FSHR: variants seen among roughly 807,000 people sequenced by gnomAD.
FSHR encodes follicle-stimulating hormone receptor.
Under a neutral mutation model 52.1 loss-of-function variants are expected in FSHR, and 46 were observed. That is an observed-to-expected ratio of 0.88 (90% CI 0.70 to 1.13). The LOEUF (loss-of-function observed/expected upper bound fraction) is 1.13. FSHR is among the 50% of genes most tolerant of loss of function. The pLI, the probability that FSHR is intolerant of heterozygous loss-of-function variation, is 0.00. For synonymous variants in FSHR, 399 were observed against 309.6 expected, an observed-to-expected ratio of 1.29 and a Z score of -3.03; for missense variants, 964 against 834.6, an observed-to-expected ratio of 1.16 and a Z score of -1.91.
chr2:49,010,554 G>A (rs1338627785), intron 4 of FSHR, among the ~76,000 whole-genome samples: 2 of 151,916 alleles, frequency 1.3e-5, no homozygotes, highest in East Asian at 3.9e-4. Flanking sequence ...AAATGAGTTA[G>A]GGAGGATTCC....
intron 1 of FSHR, among the ~76,000 whole-genome samples, chr2:49,080,167 T>C (rs907679021): frequency 2.0e-5 from 3 of 152,216 alleles, no homozygotes; most frequent in Non-Finnish European, 2.9e-5. Context: ...TTCACCATTA[T>C]ATTGGTGAAC....
chr2:49,097,050 A>T (rs1029337653), intron 1 of FSHR, among the ~76,000 whole-genome samples: 1 of 152,194 alleles, frequency 6.6e-6, no homozygotes, highest in Non-Finnish European at 1.5e-5. Context: ...TTCTTTATAA[A>T]TTATCCAGTC....
At chr2:49,003,484 A>C (rs1300907466) in intron 4 of FSHR, among the ~76,000 whole-genome samples, 1 of 152,162 alleles carries the variant, frequency 6.6e-6, no homozygotes, top group African/African-American at 2.4e-5. Context: ...GGGGAAGACA[A>C]CGTCCTTCCC....
At chr2:49,039,039 A>C (rs1019630663) in intron 2 of FSHR, among the ~76,000 whole-genome samples, 6 of 152,136 alleles carry the variant, frequency 3.9e-5, no homozygotes, top group Admixed American at 2.0e-4. Context: ...AAATATCTCT[A>C]TTTCCATGAG....
intron 2 of FSHR, among the ~76,000 whole-genome samples, chr2:49,033,065 T>C (rs2104260566): frequency 6.6e-6 from 1 of 152,252 alleles, no homozygotes; most frequent in African/African-American, 2.4e-5. Flanking sequence ...CAAGCAATTT[T>C]CCCCCTTTTA....
chr2:48,992,480 G>A (rs1675829328), intron 4 of FSHR, among the ~76,000 whole-genome samples: 1 of 152,170 alleles, frequency 6.6e-6, no homozygotes, highest in African/African-American at 2.4e-5. Flanking sequence ...CCACTGCCAG[G>A]GAAGTGGGGA....
At chr2:49,049,722 G>A (rs999508590) in intron 2 of FSHR, among the ~76,000 whole-genome samples, 1 of 151,950 alleles carries the variant, frequency 6.6e-6, no homozygotes, top group African/African-American at 2.4e-5. Flanking sequence ...GTAAGTGACT[G>A]AGGTGTGAAG....
intron 4 of FSHR, among the ~76,000 whole-genome samples, chr2:49,012,102 C>G (rs887123758): frequency 2.6e-5 from 4 of 151,896 alleles, no homozygotes; most frequent in Non-Finnish European, 4.4e-5. Context: ...GTCAGTGGGG[C>G]ATGGGGGTGG....
intron 6 of FSHR, among the ~76,000 whole-genome samples, chr2:48,987,797 TTC>T (rs1228468037): frequency 6.7e-6 from 1 of 149,448 alleles, no homozygotes; most frequent in East Asian, 2.0e-4. Context: ...TCCTTTTGCT[TTC>T]TCTTTCTTAC....
chr2:49,083,558 T>C (rs1215095649), intron 1 of FSHR, among the ~76,000 whole-genome samples: 2 of 146,224 alleles, frequency 1.4e-5, no homozygotes, highest in Admixed American at 6.9e-5. Context: ...GCAAATTGGA[T>C]AAAGAGTCAA....
intron 1 of FSHR, among the ~76,000 whole-genome samples, chr2:49,089,222 G>T (rs1670509411): frequency 6.6e-6 from 1 of 152,050 alleles, no homozygotes; most frequent in Non-Finnish European, 1.5e-5. Context: ...TTTCGACAGG[G>T]AGAAAGATTC....
intron 6 of FSHR, among the ~76,000 whole-genome samples, chr2:48,983,445 C>G (rs1045860658): frequency 1.3e-5 from 2 of 152,184 alleles, no homozygotes; most frequent in Non-Finnish European, 2.9e-5. Context: ...AGCCTGGATT[C>G]TATAACTGTA....
intron 1 of FSHR, among the ~76,000 whole-genome samples, chr2:49,107,257 C>CT (rs564114745): frequency 4.3e-4 from 65 of 152,086 alleles, no homozygotes; most frequent in African/African-American, 1.6e-3. Flanking sequence ...TTGAAATGGC[C>CT]TTTTTTTCCT....
At chr2:49,017,608 A>G (rs1263625843) in intron 3 of FSHR, 45 bp from the exon 4 acceptor site, 1 of 1,380,002 alleles carries the variant, frequency 7.2e-7, no homozygotes, top group Non-Finnish European at 1.0e-6. Flanking sequence ...ATGGTAAGGA[A>G]TGCTGTAGTA....
intron 1 of FSHR, among the ~76,000 whole-genome samples, chr2:49,120,307 C>G (rs1416403335): frequency 6.6e-6 from 1 of 152,076 alleles, no homozygotes; most frequent in Non-Finnish European, 1.5e-5. Flanking sequence ...ACTGTTGCAA[C>G]CTTATGCTTT....
intron 1 of FSHR, among the ~76,000 whole-genome samples, chr2:49,146,415 G>A (rs756077771): frequency 1.3e-5 from 2 of 152,018 alleles, no homozygotes; most frequent in Non-Finnish European, 2.9e-5. Context: ...TCAGAGACCT[G>A]TCCCCCTGTT....
At chr2:48,999,595 C>T (rs547384196) in intron 4 of FSHR, among the ~76,000 whole-genome samples, 5 of 152,086 alleles carry the variant, frequency 3.3e-5, no homozygotes, top group African/African-American at 4.8e-5. Flanking sequence ...GACTCCGTAA[C>T]CTCTAAGATG....
chr2:48,980,222 G>A (rs778576088), intron 8 of FSHR, among the ~76,000 whole-genome samples: 1 of 152,222 alleles, frequency 6.6e-6, no homozygotes, highest in Non-Finnish European at 1.5e-5. Context: ...CCTGCACTGA[G>A]ATGGAAATAT....
chr2:49,128,863 A>T (rs1301325195), intron 1 of FSHR, among the ~76,000 whole-genome samples: 1 of 152,148 alleles, frequency 6.6e-6, no homozygotes, highest in Non-Finnish European at 1.5e-5. Flanking sequence ...TAGAACTGAT[A>T]TCAGAAGACA....
Sources: allele counts gnomAD v4.1 joint callset (sites outside exome capture counted in the v4.1 genomes callset), GRCh38; gene constraint gnomAD v4.1.1; transcripts MANE v1.5; gene names NCBI Gene and HGNC (gene_info 2026-07-23, HGNC 2026-07-21).